The following ARHGAP25 variants were observed in gnomAD, a reference collection of about 807,000 sequenced individuals.
ARHGAP25 encodes the protein Rho GTPase activating protein 25.
A neutral mutation model predicts 71.0 loss-of-function variants in ARHGAP25; 34 were observed. That is an observed-to-expected ratio of 0.48 (90% CI 0.36 to 0.64). ARHGAP25 has a LOEUF of 0.64. ARHGAP25 is among the 30% of genes least tolerant of loss of function. The pLI, the probability that ARHGAP25 is intolerant of heterozygous loss-of-function variation, is 0.00. For synonymous variants in ARHGAP25, 282 were observed against 296.5 expected (o/e 0.95, Z 0.50); for missense variants, 706 against 805.1 (o/e 0.88, Z 1.49).
chr2:68,804,606 T>C (rs560966718), intron 4 of ARHGAP25, among the ~76,000 whole-genome samples: 3 of 152,364 alleles, frequency 2.0e-5, no homozygotes, highest in East Asian at 3.9e-4. Flanking sequence ...TCATAACTTG[T>C]TGGCAAACTC....
intron 4 of ARHGAP25, among the ~76,000 whole-genome samples, chr2:68,789,749 T>G (rs765936515): frequency 2.6e-5 from 4 of 152,180 alleles, no homozygotes; most frequent in Non-Finnish European, 2.9e-5. Context: ...TCCGTGTACT[T>G]TCACTAGGTT....
intron 2 of ARHGAP25, among the ~76,000 whole-genome samples, chr2:68,724,979 A>T (rs898567424): frequency 6.6e-6 from 1 of 152,144 alleles, no homozygotes; most frequent in Non-Finnish European, 1.5e-5. Context: ...CTTTTCTACA[A>T]TTTAGAAAAA....
In ARHGAP25 at chr2:68,813,316, T is replaced by C; in HGVS notation, c.704T>C (p.Leu235Pro). 1 of 1,613,890 alleles carries C rather than the reference T, an allele frequency of 6.2e-7. No individual in the cohort carries two copies. The highest frequency in any genetic ancestry group is 8.5e-7 in the Non-Finnish European group (1 of 1,179,930). ...RDTDVHTVAS[L>P]LKLYLRDLPE... ...ACAGATGTGCACACTGTGGCTTCCCTGTTAAAGCTCTACCTCCGAGACCTC... is the reference window on the plus strand; with the variant it reads ...ACAGATGTGCACACTGTGGCTTCCCCGTTAAAGCTCTACCTCCGAGACCTC... Residue 235 changes from leucine (L) to proline (P), a missense_variant, in exon 6 of 11, where the codon CTG (leucine) becomes CCG (proline). Transcript: ENST00000409202.
chr2:68,734,217 A>G (rs573922273), upstream of ARHGAP25, among the ~76,000 whole-genome samples: 1 of 152,354 alleles, frequency 6.6e-6, no homozygotes, highest in East Asian at 1.9e-4. Context: ...TGAGGACATT[A>G]AGGTCTGGAA....
At chr2:68,805,564 G>C (rs1278090784) in intron 4 of ARHGAP25, among the ~76,000 whole-genome samples, 1 of 152,036 alleles carries the variant, frequency 6.6e-6, no homozygotes, top group Non-Finnish European at 1.5e-5. Context: ...TGAAAACCAA[G>C]AGAAAGGCGC....
At chr2:68,745,580 G>C (rs754535712) in intron 1 of ARHGAP25, among the ~76,000 whole-genome samples, 6 of 152,118 alleles carry the variant, frequency 3.9e-5, no homozygotes, top group Non-Finnish European at 7.3e-5. Flanking sequence ...CCTGTAACTG[G>C]ACAGCTGAAC....
chr2:68,769,257 A>C (rs1677327512), intron 1 of ARHGAP25, among the ~76,000 whole-genome samples: 1 of 152,128 alleles, frequency 6.6e-6, no homozygotes, highest in Non-Finnish European at 1.5e-5. Flanking sequence ...TTAGAATAAA[A>C]TTGAGTCCAT....
At chr2:68,773,096 A>G (rs1310164255) in intron 1 of ARHGAP25, among the ~76,000 whole-genome samples, 2 of 152,202 alleles carry the variant, frequency 1.3e-5, no homozygotes, top group African/African-American at 4.8e-5. Context: ...ATGGGAACTC[A>G]GACCCCTTGT....
chr2:68,769,568 A>G (rs1405806152), intron 1 of ARHGAP25, among the ~76,000 whole-genome samples: 1 of 152,172 alleles, frequency 6.6e-6, no homozygotes, highest in Non-Finnish European at 1.5e-5. Context: ...ACATCAAGGG[A>G]GTACCCCTGT....
chr2:68,718,547 G>GTGTGTGTA (rs1553391181), intron 2 of ARHGAP25, among the ~76,000 whole-genome samples: 1 of 151,530 alleles, frequency 6.6e-6, no homozygotes, highest in East Asian at 1.9e-4. Flanking sequence ...GTGTGTGTGT[G>GTGTGTGTA]TGTATGTATA....
At chr2:68,716,013 C>T (rs1299862266) in intron 2 of ARHGAP25, among the ~76,000 whole-genome samples, 1 of 152,204 alleles carries the variant, frequency 6.6e-6, no homozygotes, top group Non-Finnish European at 1.5e-5. Flanking sequence ...CTTCTGGCGC[C>T]CTGCCCTCTT....
chr2:68,821,504 G>A (rs1481048328), intron 9 of ARHGAP25, among the ~76,000 whole-genome samples: 1 of 152,194 alleles, frequency 6.6e-6, no homozygotes, highest in East Asian at 1.9e-4. Context: ...AAGTGGGCTT[G>A]ATGGGTCAGA....
At chr2:68,815,677 G>A (rs1330337096) in intron 6 of ARHGAP25, among the ~76,000 whole-genome samples, 1 of 152,070 alleles carries the variant, frequency 6.6e-6, no homozygotes, top group East Asian at 1.9e-4. Context: ...CCTACAGGCA[G>A]CTGTGGTTGA....
rs569936009 is a variant in ARHGAP25, at chr2:68,719,201, G to A, written c.-18+8503G>A. 5.9e-5 allele frequency among the ~76,000 whole-genome samples: 9 copies of A among 152,086 alleles called. No individual in the cohort carries two copies. The South Asian group carries it at 1.9e-3, about 32-fold the overall frequency. ...TCCCTGAGTTTTTTAAACTATTCTAGCAAATTATCAACCCCAAGGAGAGGG... is the reference window on the plus strand; with the variant it reads ...TCCCTGAGTTTTTTAAACTATTCTAACAAATTATCAACCCCAAGGAGAGGG... On this transcript the variant is annotated intron_variant and NMD_transcript_variant, in intron 2 of 7. Transcript: ENST00000463483.
intron 8 of ARHGAP25, 87 bp downstream of exon 8, chr2:68,818,081 T>C: frequency 6.5e-7 from 1 of 1,534,752 alleles, no homozygotes; most frequent in Non-Finnish European, 8.9e-7. Context: ...CTCTGTAGTT[T>C]CCCAAGCATT....
intron 2 of ARHGAP25, among the ~76,000 whole-genome samples, chr2:68,715,744 T>C (rs1674594427): frequency 6.6e-6 from 1 of 152,118 alleles, no homozygotes; most frequent in Non-Finnish European, 1.5e-5. Flanking sequence ...GTATGATATG[T>C]ATTATTTTTT....
chr2:68,763,530 A>T (rs979253254), intron 1 of ARHGAP25, among the ~76,000 whole-genome samples: 1 of 152,192 alleles, frequency 6.6e-6, no homozygotes, highest in African/African-American at 2.4e-5. Context: ...TCTGTTCTTT[A>T]TAACTAACAT....
rs1196866151 is a variant in ARHGAP25 at position 68,767,722 on chromosome 2, G to A, written c.62-7499G>A. Reference sequence around the variant, plus strand: ...GATTACCTAATATGTCCGTTTTCTTGTTGGGGTATCAGCACAGCCTCAGTG... The same window carrying A: ...GATTACCTAATATGTCCGTTTTCTTATTGGGGTATCAGCACAGCCTCAGTG... On this transcript the variant is annotated intron_variant, in intron 1 of 10. Transcript: ENST00000409202. The surrounding 1 kb of genome is among the most constrained non-coding windows in gnomAD (Gnocchi z 4.6). 1.3e-5 allele frequency among the ~76,000 whole-genome samples: 2 copies of A among 152,182 alleles called. No individual in the cohort carries two copies. Among genetic ancestry groups the A allele is most frequent in the African/African-American group, 2.4e-5 (1 of 41,428 alleles).
chr2:68,816,981 A>G (rs1021449065), intron 7 of ARHGAP25: 1 of 152,404 alleles, frequency 6.6e-6, no homozygotes, highest in African/African-American at 2.4e-5. Flanking sequence ...ACCAGCAACA[A>G]GCACTATTAA....
Sources: allele counts gnomAD v4.1 joint callset (sites outside exome capture counted in the v4.1 genomes callset), GRCh38; gene constraint gnomAD v4.1.1; non-coding constraint Gnocchi (gnomAD v3.1); transcripts MANE v1.5; gene names NCBI Gene and HGNC (gene_info 2026-07-23, HGNC 2026-07-21).